CTNNA3: variants seen among roughly 807,000 people sequenced by gnomAD.
CTNNA3 encodes catenin alpha-3.
A neutral mutation model predicts 95.7 loss-of-function variants in CTNNA3; 76 were observed. That is an observed-to-expected ratio of 0.79 (90% CI 0.66 to 0.96). The LOEUF is 0.96. CTNNA3 is among the 40% of genes least tolerant of loss of function. The pLI is 0.00. For synonymous variants in CTNNA3, 431 were observed against 374.4 expected, an observed-to-expected ratio of 1.15 and a Z score of -1.74; for missense variants, 1,191 against 1,089.8, an observed-to-expected ratio of 1.09 and a Z score of -1.31.
In CTNNA3 at chr10:67,258,340, C is replaced by T. The variant is rs1866445808; in HGVS notation, c.580-38470G>A. 2.6e-5 allele frequency among the ~76,000 whole-genome samples: 4 copies of T among 152,188 alleles called. No homozygotes were observed. The South Asian group carries it at 8.3e-4, about 32-fold the overall frequency. On this transcript the variant is annotated intron_variant, in intron 5 of 17. Transcript: ENST00000433211. ...TGTAATTTTAGTAGAGATGGAGTTT[C>T]ACCATATTGGTCAGGCTGGTCTTGA...
intron 3 of CTNNA3, among the ~76,000 whole-genome samples, chr10:67,554,672 A>G (rs1201412848): frequency 6.6e-6 from 1 of 152,142 alleles, no homozygotes; most frequent in Non-Finnish European, 1.5e-5. Flanking sequence ...TCAGATGGGT[A>G]GATTGCAAAA....
At chr10:65,982,785 T>A (rs1216219489) in intron 16 of CTNNA3, among the ~76,000 whole-genome samples, 1 of 151,238 alleles carries the variant, frequency 6.6e-6, no homozygotes, top group Non-Finnish European at 1.5e-5. Flanking sequence ...TTAAAAAATT[T>A]CTGCTGGAAA....
chr10:67,762,407 G>C (rs1195463966), intron 1 of CTNNA3, among the ~76,000 whole-genome samples: 1 of 127,644 alleles, frequency 7.8e-6, no homozygotes, highest in Non-Finnish European at 1.6e-5. Flanking sequence ...CCCTCTCAAA[G>C]TAAAAACTTT....
chr10:67,487,000 A>G (rs1848473701), intron 5 of CTNNA3, among the ~76,000 whole-genome samples: 1 of 152,026 alleles, frequency 6.6e-6, no homozygotes, highest in South Asian at 2.1e-4. Flanking sequence ...ATTTAACTAA[A>G]CCTATCATCC....
intron 5 of CTNNA3, among the ~76,000 whole-genome samples, chr10:67,335,702 C>T (rs1425403262): frequency 1.3e-5 from 2 of 152,146 alleles, no homozygotes; most frequent in Non-Finnish European, 2.9e-5. Context: ...GACAAACATG[C>T]TGTAGGAGCT....
At chr10:66,685,352 T>TATATATATA (rs1387088025) in intron 9 of CTNNA3, among the ~76,000 whole-genome samples, 1 of 10,244 alleles carries the variant, frequency 9.8e-5, no homozygotes, top group Non-Finnish European at 1.6e-4. Flanking sequence ...TATATATATA[T>TATATATATA]TTTTTTTTTT....
intron 4 of CTNNA3, among the ~76,000 whole-genome samples, chr10:67,528,459 C>A (rs950985986): frequency 6.6e-6 from 1 of 152,106 alleles, no homozygotes; most frequent in Admixed American, 6.5e-5. Context: ...TCACACAGTT[C>A]ACCCTTCATC....
At chr10:67,229,431 C>T (rs1865084925) in intron 5 of CTNNA3, among the ~76,000 whole-genome samples, 1 of 152,102 alleles carries the variant, frequency 6.6e-6, no homozygotes. Context: ...CCATTCTCAC[C>T]ACTCCTCTGC....
chr10:66,913,049 T>C (rs1390852066), intron 7 of CTNNA3, among the ~76,000 whole-genome samples: 2 of 150,888 alleles, frequency 1.3e-5, no homozygotes, highest in Admixed American at 6.6e-5. Context: ...ACCATCTTGG[T>C]TAACACGGTG....
At chr10:66,827,084 A>G (rs2132308198) in intron 7 of CTNNA3, among the ~76,000 whole-genome samples, 1 of 152,306 alleles carries the variant, frequency 6.6e-6, no homozygotes, top group Middle Eastern at 3.4e-3. Flanking sequence ...ATAAGAGACC[A>G]CAACCTCAGA....
intron 10 of CTNNA3, among the ~76,000 whole-genome samples, chr10:66,611,265 TA>T (rs1295843848): frequency 6.6e-6 from 1 of 152,126 alleles, no homozygotes; most frequent in Non-Finnish European, 1.5e-5. Context: ...ATGCTTCAAA[TA>T]GCTAGAAGTG....
intron 12 of CTNNA3, among the ~76,000 whole-genome samples, chr10:66,291,478 T>C (rs2091679413): frequency 6.6e-6 from 1 of 152,082 alleles, no homozygotes; most frequent in African/African-American, 2.4e-5. Flanking sequence ...GCAGATACAA[T>C]TGGTTGGCTC....
At position 67,608,947 on chromosome 10, in the gene CTNNA3, G is replaced by A. The variant is rs541217231; in HGVS notation, c.100-1898C>T. 1.5e-4 allele frequency among the ~76,000 whole-genome samples: 23 copies of A among 151,972 alleles called. No homozygotes were observed. In the South Asian group the frequency reaches 3.5e-3, roughly 23 times the overall value. Reference sequence around the variant, plus strand: ...CTCTACTAAAAATACAAAATTAGCCGGGCATGGTGGCGCATGCCTATAATC... The same window carrying A: ...CTCTACTAAAAATACAAAATTAGCCAGGCATGGTGGCGCATGCCTATAATC... On this transcript the variant is annotated intron_variant, in intron 2 of 17. Coordinates refer to ENST00000433211, the MANE Select transcript of CTNNA3 (RefSeq NM_013266.4).
At chr10:66,843,472 A>C (rs1843140258) in intron 7 of CTNNA3, among the ~76,000 whole-genome samples, 1 of 152,188 alleles carries the variant, frequency 6.6e-6, no homozygotes, top group South Asian at 2.1e-4. Flanking sequence ...GTGAATCATC[A>C]CTCAAACAGA....
intron 14 of CTNNA3, among the ~76,000 whole-genome samples, chr10:66,086,360 T>C (rs2080984123): frequency 6.6e-6 from 1 of 152,124 alleles, no homozygotes; most frequent in African/African-American, 2.4e-5. Context: ...CCAGTTTTAC[T>C]GCAGACTCAA....
At position 66,698,738 on chromosome 10, in the gene CTNNA3, C is replaced by T. The variant is rs192758173; in HGVS notation, c.1281+67526G>A. On this transcript the variant is annotated intron_variant, in intron 9 of 17. Coordinates refer to ENST00000433211, the MANE Select transcript of CTNNA3 (RefSeq NM_013266.4). ...AAGCCTATATTACTGAGAGATAAAA[C>T]GTGGGGGACAGCAACTTAGAGATAG... 6.2e-4 allele frequency among the ~76,000 whole-genome samples: 95 copies of T among 152,138 alleles called. 1 individual carries two copies. The highest frequency in any genetic ancestry group is 2.1e-3 in the African/African-American group (89 of 41,502).
rs1475204001 is a variant in CTNNA3, at chr10:67,416,625, A to C, written c.579+105217T>G. On this transcript the variant is annotated intron_variant, in intron 5 of 17. Transcript: ENST00000433211. ...TCTGTCTCAAAAAAAAAAAAAAAAA[A>C]AAAAAACAAGTGGACAAAGGACATG... Among the ~76,000 whole-genome samples the C allele has an allele frequency of 1.7e-4, 26 of 149,406 alleles. No homozygotes were observed. The East Asian group carries it at 5.1e-3, about 29-fold the overall frequency.
chr10:66,467,927 C>CT (rs371246590), intron 11 of CTNNA3, among the ~76,000 whole-genome samples: 1 of 151,720 alleles, frequency 6.6e-6, no homozygotes, highest in African/African-American at 2.4e-5. Flanking sequence ...TACATATTTT[C>CT]TTTTTTTTCC....
chr10:66,718,821 C>A (rs967050797), intron 9 of CTNNA3, among the ~76,000 whole-genome samples: 2 of 152,040 alleles, frequency 1.3e-5, no homozygotes, highest in Non-Finnish European at 2.9e-5. Flanking sequence ...AATTGATTAA[C>A]ACCATTTTAA....
Sources: allele counts gnomAD v4.1 joint callset (sites outside exome capture counted in the v4.1 genomes callset), GRCh38; gene constraint gnomAD v4.1.1; transcripts MANE v1.5; gene names NCBI Gene and HGNC (gene_info 2026-07-23, HGNC 2026-07-21).